Variants in SEPTIN9 observed in about 807,000 individuals in gnomAD.
SEPTIN9 encodes septin 9.
A neutral mutation model predicts 56.6 loss-of-function variants in SEPTIN9; 13 were observed. The observed-to-expected ratio is 0.23, with a 90% confidence interval of 0.15 to 0.37. The LOEUF is 0.37. SEPTIN9 is among the 10% of genes least tolerant of loss of function. The probability of loss-of-function intolerance (pLI) is 1.00; values close to 1 mark genes in which losing one functional copy is unlikely to be tolerated. For synonymous variants in SEPTIN9, 332 were observed against 334.1 expected (o/e 0.99, Z 0.07); for missense variants, 650 against 823.1 (o/e 0.79, Z 2.57).
intron 3 of SEPTIN9, among the ~76,000 whole-genome samples, chr17:77,480,103 C>G (rs890970029): frequency 3.9e-4 from 59 of 152,144 alleles, no homozygotes; most frequent in Admixed American, 1.2e-3. Flanking sequence ...GAGAGAGGAG[C>G]CCTGGCCTCC....
At position 77,451,082 on chromosome 17, in the gene SEPTIN9, CG is replaced by C. The variant is rs146651473; in HGVS notation, c.722-31059del. 1,949 of 154,954 alleles carry C rather than the reference CG, an allele frequency of 0.013. 34 individuals are homozygous for C. Among genetic ancestry groups the C allele is most frequent in the African/African-American group, 0.044 (1,836 of 41,560 alleles). 9.6% of individuals were successfully genotyped at this position (154,954 alleles called of 1,614,324 possible). A position where few individuals can be genotyped will look rare whatever the true frequency, so the allele number is the denominator to read the frequency against. On this transcript the variant is annotated intron_variant, in intron 3 of 11. Coordinates refer to ENST00000427177, the MANE Select transcript of SEPTIN9 (RefSeq NM_001113491.2). The surrounding 1 kb of genome is among the most constrained non-coding windows in gnomAD (Gnocchi z 4.2). Reference sequence around the variant, plus strand: ...CTGGCTGAGAGGAGGGGGCTCCTCACGGGCACCGCCTCTGGCAAGCACAGGG... The same window carrying C: ...CTGGCTGAGAGGAGGGGGCTCCTCACGGCACCGCCTCTGGCAAGCACAGGG...
intron 2 of SEPTIN9, among the ~76,000 whole-genome samples, chr17:77,360,616 G>A (rs900256978): frequency 7.2e-5 from 11 of 151,764 alleles, no homozygotes; most frequent in Non-Finnish European, 4.4e-5. Context: ...CCAGGCTGGC[G>A]TGGAGTGATG....
intron 2 of SEPTIN9, among the ~76,000 whole-genome samples, chr17:77,316,113 A>C (rs1456808549): frequency 6.6e-6 from 1 of 152,220 alleles, no homozygotes; most frequent in Non-Finnish European, 1.5e-5. Flanking sequence ...CTCTGAATCT[A>C]AGACAGGACC....
At chr17:77,344,724 C>T (rs544260854) in intron 2 of SEPTIN9, among the ~76,000 whole-genome samples, 36 of 152,248 alleles carry the variant, frequency 2.4e-4, no homozygotes, top group African/African-American at 7.5e-4. Context: ...GTAATCCCAG[C>T]GCTTTGGAAG....
intron 3 of SEPTIN9, among the ~76,000 whole-genome samples, chr17:77,443,916 T>A (rs1568073129): frequency 1.3e-5 from 2 of 152,150 alleles, no homozygotes; most frequent in African/African-American, 4.8e-5. Flanking sequence ...AAATGGGCCC[T>A]CCTGCTACAG....
rs568617254 is a variant in SEPTIN9, at chr17:77,305,147, GT to G, written c.20-1990del. Among the ~76,000 whole-genome samples, 900 of 152,274 alleles carry G rather than the reference GT, an allele frequency of 5.9e-3. 2 individuals carry two copies. The highest frequency in any genetic ancestry group is 0.014 in the South Asian group (67 of 4,826). On this transcript the variant is annotated intron_variant, in intron 1 of 11. Coordinates refer to ENST00000427177, the MANE Select transcript of SEPTIN9 (RefSeq NM_001113491.2). ...GGAGGGACTGGCCAGGAACCCCTGG[GT>G]TTTCCTGGTGGGGTTTTTGTTGCTT...
In SEPTIN9 at chr17:77,498,634, G is replaced by A; in HGVS notation, c.1737G>A (p.Lys579=). 1.2e-5 allele frequency: 20 copies of A among 1,609,960 alleles called. No homozygotes were observed. Among genetic ancestry groups the A allele is most frequent in the Middle Eastern group, 1.8e-4 (1 of 5,588 alleles). ...SSAMANGMEE[K]EPEAPEM is the part of the protein sequence containing the mutation. ...CCATGGCCAACGGCATGGAGGAGAA[G>A]GAGCCAGAAGCCCCGGAGATGTAGA... Residue 579 remains lysine (K), a synonymous_variant, in exon 12 of 12, where the codon AAG becomes AAA. Transcript: ENST00000427177.
chr17:77,345,030 C>A (rs1020168620), intron 2 of SEPTIN9, among the ~76,000 whole-genome samples: 6 of 149,274 alleles, frequency 4.0e-5, no homozygotes, highest in Admixed American at 1.3e-4. Context: ...CATAGATGAG[C>A]CTTGAAGACA....
chr17:77,475,679 C>G lies in SEPTIN9; in HGVS notation c.722-6465C>G, dbSNP rs200536790. ...CAAAGTAAGGAGACTGCTGGGCCCACGCTGGGCCGGGGTGGATGGAGGCAA... is the reference window on the plus strand; with the variant it reads ...CAAAGTAAGGAGACTGCTGGGCCCAGGCTGGGCCGGGGTGGATGGAGGCAA... On this transcript the variant is annotated intron_variant, in intron 3 of 11. Transcript: ENST00000427177. This position sits in a 1 kb window ranked among gnomAD's most constrained non-coding sequence, Gnocchi z 4.6. The G allele has an allele frequency of 6.2e-7, 1 of 1,613,582 alleles. No homozygotes were observed. The highest frequency in any genetic ancestry group is 1.7e-5 in the Admixed American group (1 of 60,004).
chr17:77,297,103 C>T (rs2031854188), intron 1 of SEPTIN9, among the ~76,000 whole-genome samples: 1 of 152,108 alleles, frequency 6.6e-6, no homozygotes, highest in Non-Finnish European at 1.5e-5. Flanking sequence ...GGAATTGGCT[C>T]ATACCATTGT....
At chr17:77,357,154 C>A (rs2034281381) in intron 2 of SEPTIN9, among the ~76,000 whole-genome samples, 1 of 152,098 alleles carries the variant, frequency 6.6e-6, no homozygotes. Context: ...TGGCCCACGC[C>A]ACCTGTGGAA....
At chr17:77,362,943 G>C (rs1244539633) in intron 2 of SEPTIN9, among the ~76,000 whole-genome samples, 1 of 152,240 alleles carries the variant, frequency 6.6e-6, no homozygotes, top group Admixed American at 6.5e-5. Context: ...CCAGGCAGAG[G>C]GAACAGGATA....
rs1279363017 is a variant in SEPTIN9 at position 77,421,630 on chromosome 17, C to T, written c.721+18927C>T. Reference sequence around the variant, plus strand: ...ACAGGGATGGCTTTTGGGCCATTCACCTGAGGTTTATTGATCTTTCTCTTT... The same window carrying T: ...ACAGGGATGGCTTTTGGGCCATTCATCTGAGGTTTATTGATCTTTCTCTTT... On this transcript the variant is annotated intron_variant, in intron 3 of 11. Coordinates refer to ENST00000427177, the MANE Select transcript of SEPTIN9 (RefSeq NM_001113491.2). The surrounding 1 kb of genome is among the most constrained non-coding windows in gnomAD (Gnocchi z 4.6). Among the ~76,000 whole-genome samples, 1 of 152,182 alleles carries T rather than the reference C, an allele frequency of 6.6e-6. No homozygotes were observed. Among genetic ancestry groups the T allele is most frequent in the African/African-American group, 2.4e-5 (1 of 41,436 alleles).
chr17:77,303,364 C>G lies in SEPTIN9; in HGVS notation c.20-3777C>G, dbSNP rs897324903. ...TGGCCCACGTCAGCCTCCCAAATTG[C>G]TGGGATTACAGGCGTGAGTCACCAT... On this transcript the variant is annotated intron_variant, in intron 1 of 11. Transcript: ENST00000427177. Among the ~76,000 whole-genome samples, 3 of 150,882 alleles carry G rather than the reference C, an allele frequency of 2.0e-5. 1 individual carries two copies. The South Asian group carries it at 6.5e-4, about 33-fold the overall frequency.
chr17:77,454,542 C>G (rs2038111341), intron 3 of SEPTIN9: 1 of 201,846 alleles, frequency 5.0e-6, no homozygotes, highest in Non-Finnish European at 8.8e-6. Flanking sequence ...ACCCAGGAAG[C>G]AGCGGAGATC....
At chr17:77,376,365 G>A (rs140282527) in intron 2 of SEPTIN9, 23,118 of 985,642 alleles carry the variant, frequency 0.023, 324 homozygotes, top group Non-Finnish European at 0.026. Context: ...TCTCTTTCCC[G>A]GGGCGGCTCA....
chr17:77,334,816 G>A (rs1381819530), intron 2 of SEPTIN9, among the ~76,000 whole-genome samples: 1 of 151,994 alleles, frequency 6.6e-6, no homozygotes, highest in African/African-American at 2.4e-5. Flanking sequence ...TTTGTATTTG[G>A]TTTGAGGTCA....
At chr17:77,390,873 G>T (rs1432193311) in intron 2 of SEPTIN9, among the ~76,000 whole-genome samples, 1 of 152,202 alleles carries the variant, frequency 6.6e-6, no homozygotes, top group Non-Finnish European at 1.5e-5. Context: ...TGTCCCTTGG[G>T]GGACACGTTA....
At chr17:77,375,124 G>C (rs371331494) in intron 2 of SEPTIN9, 1 of 149,534 alleles carries the variant, frequency 6.7e-6, no homozygotes, top group African/African-American at 2.5e-5. Context: ...ACTGTGTTCC[G>C]TTGAGCCTCC....
Sources: gnomAD v4.1 joint callset for allele counts (sites outside exome capture counted in the v4.1 genomes callset) on GRCh38, gnomAD v4.1.1 for gene constraint, Gnocchi (gnomAD v3.1) non-coding constraint, MANE v1.5 for transcripts, NCBI Gene and HGNC (gene_info 2026-07-23, HGNC 2026-07-21) for gene names.